The following SORBS2 variants were observed in gnomAD, a reference collection of about 807,000 sequenced individuals.
SORBS2 encodes sorbin and SH3 domain containing 2, also known as sorbin and SH3 domain-containing protein 2.
SORBS2 carries 46 observed loss-of-function variants against 97.7 expected under a neutral mutation model. The ratio of observed to expected loss-of-function variants is 0.47; its 90% confidence interval spans 0.37 to 0.60. SORBS2 has a LOEUF of 0.60. Ranked by LOEUF, SORBS2 falls within the 20% of genes least tolerant of loss-of-function variation. The probability of loss-of-function intolerance (pLI) is 0.00; values close to 1 mark genes in which losing one functional copy is unlikely to be tolerated. For missense variants in SORBS2, 1,316 were observed against 1,282.3 expected (o/e 1.03, Z -0.40); for synonymous variants, 476 against 473.4 (o/e 1.01, Z -0.07).
chr4:185,744,470 G>A (rs893553240), intron 2 of SORBS2, among the ~76,000 whole-genome samples: 4 of 152,274 alleles, frequency 2.6e-5, no homozygotes, highest in African/African-American at 4.8e-5. Flanking sequence ...ATCACGAAAC[G>A]AGATCTATGG....
intron 2 of SORBS2, among the ~76,000 whole-genome samples, chr4:185,701,928 G>A (rs2098268746): frequency 2.0e-5 from 3 of 152,016 alleles, no homozygotes; most frequent in South Asian, 2.1e-4. Context: ...GTGCCAGCAC[G>A]CCCAGCTAAT....
intron 4 of SORBS2, among the ~76,000 whole-genome samples, chr4:185,665,200 C>T (rs1176233784): frequency 6.6e-6 from 1 of 152,130 alleles, no homozygotes; most frequent in Non-Finnish European, 1.5e-5. Flanking sequence ...GGATTATCGA[C>T]ATCATTCACT....
At chr4:185,891,738 G>A (rs1310122274) in intron 1 of SORBS2, among the ~76,000 whole-genome samples, 1 of 152,166 alleles carries the variant, frequency 6.6e-6, no homozygotes, top group Non-Finnish European at 1.5e-5. Context: ...ACGTGCTGTG[G>A]CCAGTCTTGT....
chr4:185,787,696 G>C (rs1469628830), intron 1 of SORBS2, among the ~76,000 whole-genome samples: 6 of 152,058 alleles, frequency 3.9e-5, no homozygotes, highest in Non-Finnish European at 5.9e-5. Context: ...CTCCACTTTG[G>C]GTACTCTTGG....
intron 1 of SORBS2, among the ~76,000 whole-genome samples, chr4:185,916,923 C>A (rs529476731): frequency 6.6e-6 from 1 of 152,224 alleles, no homozygotes; most frequent in South Asian, 2.1e-4. Flanking sequence ...CAGGTAGCTA[C>A]AGGATGGGGC....
chr4:185,685,584 T>C (rs1489060407), intron 2 of SORBS2, among the ~76,000 whole-genome samples: 1 of 152,132 alleles, frequency 6.6e-6, no homozygotes, highest in Non-Finnish European at 1.5e-5. Context: ...CAGGCTGGAG[T>C]GCAGTGGTAC....
chr4:185,735,417 G>A (rs2098677763), intron 2 of SORBS2, among the ~76,000 whole-genome samples: 1 of 146,526 alleles, frequency 6.8e-6, no homozygotes, highest in African/African-American at 2.5e-5. Context: ...ATTATTTGCA[G>A]ATATCTGCAA....
chr4:185,587,546 G>C, exon 15 of SORBS2: 1 of 1,250,440 alleles, frequency 8.0e-7, no homozygotes, highest in Non-Finnish European at 1.2e-6. Flanking sequence ...GCATGACAAC[G>C]GGAGGCCCGC....
intron 4 of SORBS2, among the ~76,000 whole-genome samples, chr4:185,662,902 G>A (rs908390588): frequency 1.6e-4 from 24 of 152,076 alleles, no homozygotes; most frequent in Admixed American, 1.4e-3. Context: ...TCATTGTTTC[G>A]ATTGTTCCGT....
intron 4 of SORBS2, chr4:185,675,534 TTC>T (rs1033796830): frequency 3.3e-5 from 5 of 152,222 alleles, no homozygotes; most frequent in African/African-American, 1.2e-4. Context: ...AGGGTGTGTA[TTC>T]TGTTTCTGCC....
intron 1 of SORBS2, among the ~76,000 whole-genome samples, chr4:185,931,526 A>G (rs1279208241): frequency 6.6e-6 from 1 of 152,180 alleles, no homozygotes; most frequent in African/African-American, 2.4e-5. Context: ...AAGTGGGAAC[A>G]TCAAGGCCGG....
chr4:185,921,137 G>A (rs1167735347), intron 1 of SORBS2, among the ~76,000 whole-genome samples: 1 of 152,188 alleles, frequency 6.6e-6, no homozygotes, highest in African/African-American at 2.4e-5. Context: ...GGCTTAAGTC[G>A]TTTGCATTAT....
chr4:185,875,697 C>A (rs542824275), intron 1 of SORBS2, among the ~76,000 whole-genome samples: 36 of 152,254 alleles, frequency 2.4e-4, no homozygotes, highest in Non-Finnish European at 4.3e-4. Context: ...TAGAGGTAAA[C>A]CCTGGAAAGT....
chr4:185,875,599 T>A (rs1263995215), intron 1 of SORBS2, among the ~76,000 whole-genome samples: 1 of 152,230 alleles, frequency 6.6e-6, no homozygotes, highest in Non-Finnish European at 1.5e-5. Flanking sequence ...CTAAATTTTC[T>A]CTGTTAAAGT....
At chr4:185,858,592 C>T (rs1201890984) in intron 1 of SORBS2, among the ~76,000 whole-genome samples, 1 of 152,136 alleles carries the variant, frequency 6.6e-6, no homozygotes, top group Admixed American at 6.5e-5. Context: ...GCTGAGGTTG[C>T]CATAAGCACT....
intron 1 of SORBS2, among the ~76,000 whole-genome samples, chr4:185,862,695 T>C (rs1276304404): frequency 6.6e-6 from 1 of 152,260 alleles, no homozygotes; most frequent in African/African-American, 2.4e-5. Flanking sequence ...ACATATTTCC[T>C]GGATGAATGT....
chr4:185,885,308 A>C (rs2099238847), intron 1 of SORBS2, among the ~76,000 whole-genome samples: 1 of 152,218 alleles, frequency 6.6e-6, no homozygotes, highest in Non-Finnish European at 1.5e-5. Context: ...CTGCCCTTGA[A>C]ATACGACATA....
intron 1 of SORBS2, among the ~76,000 whole-genome samples, chr4:185,781,092 C>A (rs1184183013): frequency 6.6e-6 from 1 of 152,060 alleles, no homozygotes; most frequent in East Asian, 1.9e-4. Flanking sequence ...CATGCGCCAC[C>A]ACACCTGGCT....
intron 1 of SORBS2, among the ~76,000 whole-genome samples, chr4:185,883,032 A>T (rs1185751500): frequency 6.6e-6 from 1 of 152,134 alleles, no homozygotes; most frequent in African/African-American, 2.4e-5. Flanking sequence ...AGCACAATCC[A>T]TAAAAGAAAA....
Sources: gnomAD v4.1 joint callset for allele counts (sites outside exome capture counted in the v4.1 genomes callset) on GRCh38, gnomAD v4.1.1 for gene constraint, MANE v1.5 for transcripts, NCBI Gene and HGNC (gene_info 2026-07-23, HGNC 2026-07-21) for gene names.